The following ZNF578 variants were observed in gnomAD, a reference collection of about 807,000 sequenced individuals.
ZNF578 encodes zinc finger protein 578, also known as Putative chemokine-related protein B42.
ZNF578 carries 8 observed loss-of-function variants against 8.3 expected under a neutral mutation model. The ratio of observed to expected loss-of-function variants is 0.96; its 90% CI spans 0.56 to 1.74. The LOEUF (loss-of-function observed/expected upper bound fraction) is 1.74. Among genes scored for constraint, ZNF578 ranks in the 40% most tolerant of loss-of-function variants. The pLI, the probability that ZNF578 is intolerant of heterozygous loss-of-function variation, is 0.00. For synonymous variants in ZNF578, 206 were observed against 232.2 expected (o/e 0.89, Z 1.03); for missense variants, 726 against 707.5 (o/e 1.03, Z -0.30).
intron 2 of ZNF578, among the ~76,000 whole-genome samples, chr19:52,465,289 ACTGGGTTGAGGAGGTGGTGGCCATT>A (rs1417796254): frequency 6.6e-6 from 1 of 151,818 alleles, no homozygotes; most frequent in African/African-American, 2.4e-5. Context: ...CCCACCACTC[ACTGGGTTGAGGAGGTGGTGGCCATT>A]CTGGGCATTC....
At chr19:52,489,662 G>T (rs2122874482) in intron 2 of ZNF578, among the ~76,000 whole-genome samples, 2 of 152,010 alleles carry the variant, frequency 1.3e-5, no homozygotes, top group East Asian at 3.9e-4. Flanking sequence ...CACCCATGGA[G>T]AAATTCTTCT....
chr19:52,508,807 AAAAG>A (rs1362616749), intron 5 of ZNF578, among the ~76,000 whole-genome samples: 1 of 151,812 alleles, frequency 6.6e-6, no homozygotes, highest in African/African-American at 2.4e-5. Flanking sequence ...AAAAAAAAAA[AAAAG>A]AAATCTGATA....
intron 1 of ZNF578, chr19:52,456,155 C>CT (rs2059239072): frequency 6.6e-6 from 1 of 152,296 alleles, no homozygotes; most frequent in African/African-American, 2.4e-5. Context: ...TTATGTGACC[C>CT]TTCCCCTGTC....
intron 2 of ZNF578, among the ~76,000 whole-genome samples, chr19:52,484,981 A>G (rs1436240920): frequency 6.9e-6 from 1 of 145,112 alleles, no homozygotes. Flanking sequence ...ACCACCAAAC[A>G]GACTTTGTGT....
At chr19:52,487,311 A>G (rs950413905) in intron 2 of ZNF578, among the ~76,000 whole-genome samples, 12 of 152,208 alleles carry the variant, frequency 7.9e-5, no homozygotes, top group African/African-American at 2.9e-4. Flanking sequence ...CCTGGTCAAC[A>G]GGGCGAGAGA....
At chr19:52,483,190 C>T (rs62108408) in intron 2 of ZNF578, among the ~76,000 whole-genome samples, 92,942 of 151,856 alleles carry the variant, frequency 0.61, 28,565 homozygotes, top group Admixed American at 0.64. Flanking sequence ...CTGATGCAGG[C>T]AAATCACCTG....
At chr19:52,508,938 G>A (rs2059434967) in intron 5 of ZNF578, among the ~76,000 whole-genome samples, 2 of 110,618 alleles carry the variant, frequency 1.8e-5, no homozygotes, top group African/African-American at 7.3e-5. Context: ...GTCCTGCCCT[G>A]TCACCCAGGC....
chr19:52,469,164 T>TTG (rs2059284207), intron 2 of ZNF578, among the ~76,000 whole-genome samples: 1 of 39,668 alleles, frequency 2.5e-5, no homozygotes, highest in African/African-American at 5.8e-5. Flanking sequence ...GTGGTTTTTT[T>TTG]TTGTTTTTTT....
At chr19:52,459,624 C>CAA (rs2059249890) in intron 2 of ZNF578, among the ~76,000 whole-genome samples, 1 of 123,946 alleles carries the variant, frequency 8.1e-6, no homozygotes, top group Non-Finnish European at 1.6e-5. Flanking sequence ...CACACACACA[C>CAA]ACACACACAC....
chr19:52,508,270 G>A (rs755705013), intron 5 of ZNF578, among the ~76,000 whole-genome samples: 18 of 150,724 alleles, frequency 1.2e-4, no homozygotes, highest in Non-Finnish European at 2.5e-4. Context: ...ACTTGAACCC[G>A]GGAGGCAAAG....
At chr19:52,474,349 A>G (rs1435075066) in intron 2 of ZNF578, 1 of 289,388 alleles carries the variant, frequency 3.5e-6, no homozygotes, top group Admixed American at 4.5e-5. Context: ...GAATTATCCA[A>G]TGTTCTATAA....
intron 3 of ZNF578, among the ~76,000 whole-genome samples, chr19:52,491,858 G>A (rs1361448971): frequency 6.6e-6 from 1 of 151,796 alleles, no homozygotes; most frequent in Non-Finnish European, 1.5e-5. Flanking sequence ...ATTTAAAAAC[G>A]GTAAAACAAA....
intron 2 of ZNF578, among the ~76,000 whole-genome samples, chr19:52,489,879 A>G (rs893001471): frequency 4.6e-5 from 7 of 152,048 alleles, no homozygotes; most frequent in African/African-American, 1.7e-4. Context: ...GATGATCTCT[A>G]TCTCCTGACC....
At chr19:52,510,232 A>G (rs1465139224) in intron 5 of ZNF578, among the ~76,000 whole-genome samples, 1 of 151,266 alleles carries the variant, frequency 6.6e-6, no homozygotes, top group Non-Finnish European at 1.5e-5. Context: ...AAGAGTATAT[A>G]TTTTTCTCTT....
chr19:52,482,961 A>G (rs1245399893), intron 2 of ZNF578, among the ~76,000 whole-genome samples: 1 of 150,108 alleles, frequency 6.7e-6, no homozygotes, highest in Non-Finnish European at 1.5e-5. Flanking sequence ...AAAAAAAAAA[A>G]TAGCCAAGGA....
At chr19:52,489,105 C>G (rs1045467595) in intron 2 of ZNF578, among the ~76,000 whole-genome samples, 1 of 151,638 alleles carries the variant, frequency 6.6e-6, no homozygotes, top group African/African-American at 2.4e-5. Flanking sequence ...TCTGCCCCCC[C>G]TAAAAAAAGA....
chr19:52,496,621 G>A (rs1292155941), intron 3 of ZNF578, among the ~76,000 whole-genome samples: 6 of 149,636 alleles, frequency 4.0e-5, no homozygotes, highest in Admixed American at 1.3e-4. Context: ...GAGCCACCGC[G>A]CTCAGCCTCA....
chr19:52,472,891 C>T (rs988662825), intron 2 of ZNF578, among the ~76,000 whole-genome samples: 4 of 152,118 alleles, frequency 2.6e-5, no homozygotes, highest in Middle Eastern at 3.2e-3. Context: ...TTCCACATGC[C>T]GTTGAACCTT....
At chr19:52,467,146 G>A (rs2059277777) in intron 2 of ZNF578, among the ~76,000 whole-genome samples, 1 of 151,958 alleles carries the variant, frequency 6.6e-6, no homozygotes, top group African/African-American at 2.4e-5. Context: ...AAATAGCTGG[G>A]ATTATAGGTG....
Sources: allele counts gnomAD v4.1 joint callset (sites outside exome capture counted in the v4.1 genomes callset), GRCh38; gene constraint gnomAD v4.1.1; transcripts MANE v1.5; gene names NCBI Gene and HGNC (gene_info 2026-07-23, HGNC 2026-07-21).